Variants in SORBS2 observed in about 807,000 individuals in gnomAD.
The protein encoded by SORBS2 is sorbin and SH3 domain-containing protein 2.
SORBS2 carries 46 observed loss-of-function variants against 97.7 expected under a neutral mutation model. The ratio of observed to expected loss-of-function variants is 0.47; its 90% CI spans 0.37 to 0.60. The LOEUF is 0.60. Among genes scored for constraint, SORBS2 ranks in the 20% least tolerant of loss-of-function variants. The probability of loss-of-function intolerance (pLI) is 0.00; values close to 1 mark genes in which losing one functional copy is unlikely to be tolerated. For synonymous variants in SORBS2, 476 were observed against 473.4 expected (o/e 1.01, Z -0.07); for missense variants, 1,316 against 1,282.3 (o/e 1.03, Z -0.40).
chr4:185,775,939 T>C (rs2098997855), intron 1 of SORBS2: 2 of 152,198 alleles, frequency 1.3e-5, no homozygotes, highest in Non-Finnish European at 2.9e-5. Flanking sequence ...ACATCTCTTA[T>C]CTATTGGCAG....
intron 1 of SORBS2, among the ~76,000 whole-genome samples, chr4:185,817,200 T>G (rs2099193771): frequency 6.6e-6 from 1 of 151,336 alleles, no homozygotes; most frequent in South Asian, 2.1e-4. Flanking sequence ...ATAATGGTGT[T>G]ATCCAATAAT....
At chr4:185,703,812 C>T (rs1416523699) in intron 2 of SORBS2, among the ~76,000 whole-genome samples, 3 of 152,206 alleles carry the variant, frequency 2.0e-5, no homozygotes, top group East Asian at 1.9e-4. Context: ...ATTTGTAAGG[C>T]TACTATGTGA....
chr4:185,786,034 A>G (rs945865255), intron 1 of SORBS2, among the ~76,000 whole-genome samples: 28 of 152,222 alleles, frequency 1.8e-4, no homozygotes, highest in African/African-American at 6.3e-4. Flanking sequence ...TCAAAAATAT[A>G]GAGACTTTTA....
At chr4:185,769,292 C>T (rs901691353) in intron 2 of SORBS2, among the ~76,000 whole-genome samples, 1 of 152,086 alleles carries the variant, frequency 6.6e-6, no homozygotes, top group Non-Finnish European at 1.5e-5. Context: ...TTTTATACAG[C>T]GTTTTTAATA....
At chr4:185,635,803 C>G (rs1402818553) in intron 4 of SORBS2, among the ~76,000 whole-genome samples, 1 of 152,118 alleles carries the variant, frequency 6.6e-6, no homozygotes, top group Non-Finnish European at 1.5e-5. Context: ...ATGCTGATAA[C>G]TTAGGCTCAG....
intron 1 of SORBS2, among the ~76,000 whole-genome samples, chr4:185,925,904 C>T (rs747833524): frequency 2.0e-5 from 3 of 152,218 alleles, no homozygotes; most frequent in Non-Finnish European, 4.4e-5. Context: ...ATAGAAGTCT[C>T]CTCTGGCAAG....
chr4:185,654,712 G>A (rs1260631639), intron 1 of SORBS2, among the ~76,000 whole-genome samples: 1 of 152,204 alleles, frequency 6.6e-6, no homozygotes, highest in African/African-American at 2.4e-5. Flanking sequence ...GCCTAAGGCT[G>A]AGAATAAGAA....
At chr4:185,612,493 T>A (rs1175817586) in intron 11 of SORBS2, among the ~76,000 whole-genome samples, 2 of 145,912 alleles carry the variant, frequency 1.4e-5, no homozygotes, top group Non-Finnish European at 3.0e-5. Context: ...TTATTTCTAT[T>A]TTTTTTTTTT....
chr4:185,620,149 G>A (rs756993379), exon 8 of SORBS2: 55 of 1,596,820 alleles, frequency 3.4e-5, no homozygotes, highest in Non-Finnish European at 4.5e-5. Context: ...GGGGACTCAC[G>A]GTCTATTGGA....
chr4:185,723,623 T>C (rs938471540), intron 2 of SORBS2, among the ~76,000 whole-genome samples: 1 of 152,238 alleles, frequency 6.6e-6, no homozygotes, highest in African/African-American at 2.4e-5. Context: ...TGTTAAGGCA[T>C]ACAGAATTTG....
chr4:185,624,559 A>G, intron 6 of SORBS2, 65 bp from the exon 19 acceptor site: 2 of 1,491,346 alleles, frequency 1.3e-6, no homozygotes, highest in South Asian at 2.6e-5. Context: ...TCACAAAGAG[A>G]GGAGAGCATG....
chr4:185,909,601 T>C (rs1361782261), intron 1 of SORBS2, among the ~76,000 whole-genome samples: 1 of 152,210 alleles, frequency 6.6e-6, no homozygotes, highest in African/African-American at 2.4e-5. Context: ...TAAAAATCTT[T>C]CAAGCATTGC....
At chr4:185,636,822 T>A (rs2097014711) in intron 4 of SORBS2, among the ~76,000 whole-genome samples, 1 of 152,152 alleles carries the variant, frequency 6.6e-6, no homozygotes, top group Admixed American at 6.5e-5. Flanking sequence ...CTAATGTTTG[T>A]ATTTTTAGCA....
intron 2 of SORBS2, among the ~76,000 whole-genome samples, chr4:185,679,195 G>A (rs978551302): frequency 1.3e-5 from 2 of 152,140 alleles, no homozygotes; most frequent in African/African-American, 4.8e-5. Context: ...CAGATCCTTA[G>A]CTTCCAATGC....
At chr4:185,950,581 T>C (rs772936823) in intron 1 of SORBS2, among the ~76,000 whole-genome samples, 3 of 152,246 alleles carry the variant, frequency 2.0e-5, no homozygotes, top group Non-Finnish European at 4.4e-5. Context: ...TGCCTGACGG[T>C]GTGGCTCAGG....
At chr4:185,769,107 A>G (rs1289243534) in intron 2 of SORBS2, among the ~76,000 whole-genome samples, 2 of 58,376 alleles carry the variant, frequency 3.4e-5, no homozygotes, top group East Asian at 2.7e-4. Flanking sequence ...AACCCTTAGC[A>G]TGAAGGTGTA....
chr4:185,925,307 A>G (rs1370212922), intron 1 of SORBS2, among the ~76,000 whole-genome samples: 1 of 152,152 alleles, frequency 6.6e-6, no homozygotes, highest in Non-Finnish European at 1.5e-5. Flanking sequence ...AAATTGATAA[A>G]CGCATTGTCT....
chr4:185,907,399 G>A (rs1253729337), intron 1 of SORBS2, among the ~76,000 whole-genome samples: 1 of 152,164 alleles, frequency 6.6e-6, no homozygotes, highest in Non-Finnish European at 1.5e-5. Context: ...TTATTTTAGA[G>A]CTATGAGGTA....
chr4:185,650,696 T>A (rs189387980), intron 2 of SORBS2, among the ~76,000 whole-genome samples: 76 of 152,294 alleles, frequency 5.0e-4, no homozygotes, highest in Admixed American at 8.5e-4. Flanking sequence ...AGAGACAACA[T>A]CTACACTTAC....
Sources: gnomAD v4.1 joint callset for allele counts (sites outside exome capture counted in the v4.1 genomes callset) on GRCh38, gnomAD v4.1.1 for gene constraint, MANE v1.5 for transcripts, NCBI Gene and HGNC (gene_info 2026-07-23, HGNC 2026-07-21) for gene names.